The following PIN4 variants were observed in gnomAD, a reference collection of about 807,000 sequenced individuals.
The protein encoded by PIN4 is peptidylprolyl cis/trans isomerase, NIMA-interacting 4, also known as peptidyl-prolyl cis-trans isomerase NIMA-interacting 4.
Under a neutral mutation model 8.3 loss-of-function variants are expected in PIN4, and 3 were observed. The ratio of observed to expected loss-of-function variants is 0.36; its 90% CI spans 0.16 to 0.93. PIN4 has a LOEUF of 0.93. Ranked by LOEUF, PIN4 falls within the 40% of genes least tolerant of loss-of-function variation. The probability of loss-of-function intolerance (pLI) is 0.44; values close to 1 mark genes in which losing one functional copy is unlikely to be tolerated. For missense variants in PIN4, 75 were observed against 100.6 expected, an observed-to-expected ratio of 0.75 and a Z score of 1.09; for synonymous variants, 18 against 32.5, an observed-to-expected ratio of 0.55 and a Z score of 1.52.
At chrX:72,234,406 G>A (rs2043004791) in intron 3 of PIN4, among the ~76,000 whole-genome samples, 1 of 112,178 alleles carries the variant, frequency 8.9e-6, no homozygotes. Flanking sequence ...TGGTGACTTT[G>A]ATAAAAGCAG....
intron 3 of PIN4, among the ~76,000 whole-genome samples, chrX:72,221,191 C>G (rs2042921095): frequency 8.9e-6 from 1 of 111,992 alleles, no homozygotes; most frequent in Non-Finnish European, 1.9e-5. Flanking sequence ...TTCTCTCTTT[C>G]TCTCTTCCTC....
chrX:72,222,818 G>A lies in PIN4; in HGVS notation c.312+25914G>A, dbSNP rs951824497. Among the ~76,000 whole-genome samples the A allele has an allele frequency of 1.7e-4, 18 of 106,261 alleles. 1 individual carries two copies. In the East Asian group the frequency reaches 4.6e-3, roughly 27 times the overall value. The allele number at this position is 106,261 out of a possible 115,157, so 92.3% of individuals were successfully genotyped here. A position where few individuals can be genotyped will look rare whatever the true frequency, so the allele number is the denominator to read the frequency against. On this transcript the variant is annotated intron_variant, in intron 3 of 3. Coordinates refer to the PIN4 transcript ENST00000423432. ...TCATCATGTTGGTCAGGCTGATCTC[G>A]AACTCCTGACCTCGTGATCCACCCG...
intron 3 of PIN4, among the ~76,000 whole-genome samples, chrX:72,234,720 C>T (rs1358060360): frequency 1.8e-5 from 2 of 110,970 alleles, no homozygotes; most frequent in Non-Finnish European, 3.8e-5. Context: ...TCCATACTAA[C>T]AGGACAGAAG....
chrX:72,183,334 T>G (rs2042683103), intron 1 of PIN4, among the ~76,000 whole-genome samples: 1 of 111,897 alleles, frequency 8.9e-6, no homozygotes, highest in African/African-American at 3.3e-5. Flanking sequence ...ACTGTACATG[T>G]AAGTTTTAGG....
chrX:72,222,485 C>G (rs1452091725), intron 3 of PIN4, among the ~76,000 whole-genome samples: 2 of 110,597 alleles, frequency 1.8e-5, no homozygotes, highest in Non-Finnish European at 3.8e-5. Context: ...CATCAGGCGA[C>G]AGAACCACAT....
downstream of PIN4, among the ~76,000 whole-genome samples, chrX:72,201,723 C>T (rs774686387): frequency 9.7e-5 from 11 of 112,917 alleles, no homozygotes; most frequent in African/African-American, 3.5e-4. Context: ...GAGATATCTG[C>T]AATAACCCCA....
chrX:72,205,057 A>G (rs2042808270), intron 3 of PIN4: 3 of 1,208,651 alleles, frequency 2.5e-6, no homozygotes, highest in Non-Finnish European at 2.2e-6. Flanking sequence ...AGTCAAGAGC[A>G]TAACTTCAGG....
chrX:72,235,596 T>A (rs946314699), intron 3 of PIN4, among the ~76,000 whole-genome samples: 1 of 109,849 alleles, frequency 9.1e-6, no homozygotes, highest in Non-Finnish European at 1.9e-5. Context: ...TTTCATCACG[T>A]TGGCCAGGCT....
chrX:72,260,108 T>A (rs1193399645), intron 3 of PIN4, among the ~76,000 whole-genome samples: 1 of 110,700 alleles, frequency 9.0e-6, no homozygotes, highest in Non-Finnish European at 1.9e-5. Context: ...CTGCCACACA[T>A]ATAAGAGCCT....
chrX:72,228,932 A>C (rs1158184442), intron 3 of PIN4, among the ~76,000 whole-genome samples: 1 of 111,088 alleles, frequency 9.0e-6, no homozygotes, highest in Non-Finnish European at 1.9e-5. Flanking sequence ...CCCTTCCTGC[A>C]TCCCTTCATG....
At chrX:72,192,098 T>TGGG (rs1479183348) in intron 2 of PIN4, among the ~76,000 whole-genome samples, 1 of 110,523 alleles carries the variant, frequency 9.0e-6, no homozygotes, top group Admixed American at 9.7e-5. Context: ...ATTACAGGCA[T>TGGG]CCACCACCAC....
intron 3 of PIN4, chrX:72,205,324 C>T (rs1356985455): frequency 8.3e-7 from 1 of 1,210,495 alleles, no homozygotes; most frequent in Non-Finnish European, 1.1e-6. Flanking sequence ...CAGTGTTTCT[C>T]CGGAAGGATC....
chrX:72,251,905 G>A (rs1366563434), intron 3 of PIN4, among the ~76,000 whole-genome samples: 8 of 110,151 alleles, frequency 7.3e-5, no homozygotes, highest in African/African-American at 2.6e-4. Flanking sequence ...CTCCAGCCTG[G>A]GTGACAGTGT....
At chrX:72,245,366 T>C (rs1394998168) in intron 3 of PIN4, among the ~76,000 whole-genome samples, 2 of 110,409 alleles carry the variant, frequency 1.8e-5, no homozygotes, top group Non-Finnish European at 3.8e-5. Context: ...GACAGAGTCT[T>C]GCTATGTTGC....
intron 3 of PIN4, among the ~76,000 whole-genome samples, chrX:72,244,103 G>A (rs1171143815): frequency 8.9e-6 from 1 of 112,190 alleles, no homozygotes; most frequent in Non-Finnish European, 1.9e-5. Context: ...TTACAAGATG[G>A]TCACGTAAGG....
chrX:72,263,069 G>C (rs1482924236), exon 4 of PIN4: 1 of 253,430 alleles, frequency 3.9e-6, no homozygotes. Flanking sequence ...CCAGTGAACG[G>C]GCTAGGTGCT....
chrX:72,247,706 C>T (rs1386148168), intron 3 of PIN4, among the ~76,000 whole-genome samples: 1 of 112,705 alleles, frequency 8.9e-6, no homozygotes, highest in Non-Finnish European at 1.9e-5. Context: ...CTTCAAAGGT[C>T]TTGGCCCCTT....
chrX:72,199,244 A>G (rs768306779), downstream of PIN4, among the ~76,000 whole-genome samples: 117 of 111,983 alleles, frequency 1.0e-3, no homozygotes, highest in African/African-American at 3.6e-3. Flanking sequence ...ATTAAAAACA[A>G]TGTCTCTAGG....
chrX:72,235,594 C>T (rs986304858), intron 3 of PIN4, among the ~76,000 whole-genome samples: 9 of 109,602 alleles, frequency 8.2e-5, no homozygotes, highest in Middle Eastern at 9.3e-3. Context: ...GGTTTCATCA[C>T]GTTGGCCAGG....
Sources: allele counts gnomAD v4.1 joint callset (sites outside exome capture counted in the v4.1 genomes callset), GRCh38; gene constraint gnomAD v4.1.1; transcripts MANE v1.5; gene names NCBI Gene and HGNC (gene_info 2026-07-23, HGNC 2026-07-21).